The following LCT variants were observed in gnomAD, a reference collection of about 807,000 sequenced individuals.
LCT encodes lactase.
LCT carries 90 observed loss-of-function variants against 173.0 expected under a neutral mutation model. The observed-to-expected ratio is 0.52, with a 90% confidence interval of 0.44 to 0.62. LCT has a LOEUF of 0.62. Ranked by LOEUF, LCT falls within the 20% of genes least tolerant of loss-of-function variation. The probability of loss-of-function intolerance (pLI) is 0.00; values close to 1 mark genes in which losing one functional copy is unlikely to be tolerated. For missense variants in LCT, 1,864 were observed against 2,431.4 expected (o/e 0.77, Z 4.91); for synonymous variants, 853 against 957.6 (o/e 0.89, Z 2.02).
intron 16 of LCT, among the ~76,000 whole-genome samples, chr2:135,789,162 T>C (rs1160708020): frequency 6.6e-6 from 1 of 152,260 alleles, no homozygotes; most frequent in Admixed American, 6.5e-5. Flanking sequence ...CATTTACATT[T>C]GTGTAGTGAT....
At position 135,790,951 on chromosome 2, in the gene LCT, A is replaced by G; in HGVS notation, c.5112-70T>C. ...CAAGAGGCCCTTTACACGAAACACAAAACAGGACTTAGACCAGGAAAAGCC... is the reference window on the plus strand; with the variant it reads ...CAAGAGGCCCTTTACACGAAACACAGAACAGGACTTAGACCAGGAAAAGCC... On this transcript the variant is annotated intron_variant, in intron 14 of 16. Coordinates refer to ENST00000264162, the MANE Select transcript of LCT (RefSeq NM_002299.4). The surrounding 1 kb of genome is among the most constrained non-coding windows in gnomAD (Gnocchi z 4.1). 2 of 1,140,852 alleles carry G rather than the reference A, an allele frequency of 1.8e-6. No individual in the cohort carries two copies. The highest frequency in any genetic ancestry group is 2.7e-6 in the Non-Finnish European group (2 of 753,726). The allele number at this position is 1,140,852 out of a possible 1,614,324, so 70.7% of individuals were successfully genotyped here.
chr2:135,792,027 T>C (rs2077536742), intron 14 of LCT, among the ~76,000 whole-genome samples: 1 of 152,322 alleles, frequency 6.6e-6, no homozygotes, highest in Non-Finnish European at 1.5e-5. Context: ...AGAAGCAGAA[T>C]GCTACTGCAA....
chr2:135,815,460 G>T (rs770335871), intron 6 of LCT, among the ~76,000 whole-genome samples: 7 of 152,154 alleles, frequency 4.6e-5, no homozygotes, highest in Non-Finnish European at 8.8e-5. Context: ...GCAGTCACTT[G>T]CTGCTCAAGA....
intron 13 of LCT, among the ~76,000 whole-genome samples, chr2:135,797,358 G>T (rs1163621202): frequency 6.6e-6 from 1 of 152,106 alleles, no homozygotes; most frequent in Non-Finnish European, 1.5e-5. Flanking sequence ...TGGAGCGGTG[G>T]GCATGTTCCC....
intron 6 of LCT, 38 bp downstream of exon 6, chr2:135,817,303 C>A: frequency 6.2e-7 from 1 of 1,602,578 alleles, no homozygotes; most frequent in Non-Finnish European, 8.5e-7. Flanking sequence ...AATGTCCTTT[C>A]TCCTCCAATT....
chr2:135,800,715 G>A lies in LCT; in HGVS notation c.4758C>T (p.Tyr1586=), dbSNP rs186832630. ...AEAWHLYNDV[Y]RASQGGVISI... is the part of the protein sequence containing the mutation. ...AAATCACGCCACCTTGACTGGCGCG[G>A]TACACATCGTTGTACAGATGCCAGG... Residue 1586 remains tyrosine (Y), a synonymous_variant, in exon 12 of 17, where the codon TAC becomes TAT. Coordinates refer to ENST00000264162, the MANE Select transcript of LCT (RefSeq NM_002299.4). The A allele has an allele frequency of 6.2e-7, 1 of 1,614,064 alleles. No individual in the cohort carries two copies. Among genetic ancestry groups the A allele is most frequent in the East Asian group, 2.2e-5 (1 of 44,878 alleles).
chr2:135,796,700 T>C (rs911797794), intron 13 of LCT, among the ~76,000 whole-genome samples: 2 of 152,208 alleles, frequency 1.3e-5, no homozygotes, highest in Non-Finnish European at 2.9e-5. Flanking sequence ...GATGGAGAAC[T>C]GTCTTTCCAG....
rs781011643 is a variant in LCT, at chr2:135,809,403, G to A, written c.2944C>T (p.Arg982Trp). ...KAYRFSISWS[R>W]IFPTGRNSSI... ...CTGTTTCTCCCAGTTGGGAAAATCCGAGACCAGGAGATAGAGAAGCGGTAG... is the reference window on the plus strand; with the variant it reads ...CTGTTTCTCCCAGTTGGGAAAATCCAAGACCAGGAGATAGAGAAGCGGTAG... Residue 982 changes from arginine (R) to tryptophan (W), a missense_variant, in exon 8 of 17, where the codon CGG becomes TGG. By Grantham distance (101) the Arg-to-Trp change is moderately radical. This residue lies in a region of LCT where 755 missense variants were observed against 926.3 expected (regional missense o/e 0.82). Coordinates refer to ENST00000264162, the MANE Select transcript of LCT (RefSeq NM_002299.4). The surrounding 1 kb of genome is among the most constrained non-coding windows in gnomAD (Gnocchi z 5.5). 2 of 1,614,212 alleles carry A rather than the reference G, an allele frequency of 1.2e-6. No homozygotes were observed. Among genetic ancestry groups the A allele is most frequent in the Non-Finnish European group, 8.5e-7 (1 of 1,180,038 alleles).
At chr2:135,803,487 G>T (rs2077644115) in intron 11 of LCT, among the ~76,000 whole-genome samples, 1 of 152,212 alleles carries the variant, frequency 6.6e-6, no homozygotes, top group African/African-American at 2.4e-5. Flanking sequence ...AGGAATGTTT[G>T]CTCAGTGCGA....
chr2:135,824,027 G>T, intron 3 of LCT, 24 bp from the exon 4 acceptor site: 1 of 1,452,732 alleles, frequency 6.9e-7, no homozygotes, highest in Non-Finnish European at 9.7e-7. Flanking sequence ...GGACCAGCAA[G>T]TGAACTGAAG....
Position 135,817,757 on chromosome 2 carries a change from C to T in LCT, c.1291G>A (p.Asp431Asn), listed in dbSNP as rs754851412. 7.4e-6 allele frequency: 12 copies of T among 1,613,866 alleles called. No homozygotes were observed. The highest frequency in any genetic ancestry group is 1.3e-5 in the African/African-American group (1 of 74,928). The part of the protein sequence containing the change: ...EGQATLEVAS[D>N]SYHKVASDVA... Reference sequence around the variant, plus strand: ...TCAGAGGCTACCTTGTGGTAACTGTCGCTGGCCACCTCCAGCGTCGCTTGG... The same window carrying T: ...TCAGAGGCTACCTTGTGGTAACTGTTGCTGGCCACCTCCAGCGTCGCTTGG... The change falls in exon 6 of 17, where the codon GAC becomes AAC. Residue 431 changes from aspartate (D) to asparagine (N), a missense_variant. Coordinates refer to ENST00000264162, the MANE Select transcript of LCT (RefSeq NM_002299.4).
rs151321629 is a variant in LCT, at chr2:135,804,827, C to T, written c.4404G>A (p.Ala1468=). ...TGAGCCTCACGTAGTAGTTCAGGCC[C>T]GCTTCATTGATGTACCTGGTGGTTC... ...PDGTTRYINE[A]GLNYYVRLID... The change falls in exon 10 of 17, where the codon GCG becomes GCA. Residue 1468 remains alanine (A), a synonymous_variant. Transcript: ENST00000264162. The T allele has an allele frequency of 1.7e-5, 27 of 1,613,740 alleles. No homozygotes were observed. The highest frequency in any genetic ancestry group is 1.1e-4 in the African/African-American group (8 of 74,874).
intron 2 of LCT, among the ~76,000 whole-genome samples, chr2:135,831,436 C>T (rs1214763726): frequency 1.3e-5 from 2 of 152,116 alleles, no homozygotes; most frequent in African/African-American, 4.8e-5. Context: ...CTGTGGGATT[C>T]GTCCCACTCG....
intron 11 of LCT, among the ~76,000 whole-genome samples, chr2:135,802,106 CAT>C (rs1160851069): frequency 1.3e-5 from 2 of 152,158 alleles, no homozygotes; most frequent in African/African-American, 4.8e-5. Flanking sequence ...AGGCGCCTCT[CAT>C]GTGTTGAAGG....
Position 135,800,757 on chromosome 2 carries a change from T to C in LCT, c.4716A>G (p.Ile1572Met), listed in dbSNP as rs1239113721. ...TAPYIVGHNLIKAHAEAWHLY... is the reference protein window; with the variant it reads ...TAPYIVGHNLMKAHAEAWHLY... ...GATGCCAGGCCTCAGCATGAGCCTT[T>C]ATTAGATTGTGGCCAACAATGTAGG... The change falls in exon 12 of 17, where the codon ATA (isoleucine) becomes ATG (methionine). Residue 1572 changes from isoleucine (I) to methionine (M), a missense_variant. Physicochemically the swap from Ile to Met is conservative, Grantham distance 10. Transcript: ENST00000264162. 6.2e-7 allele frequency: 1 copy of C among 1,614,172 alleles called. No individual in the cohort carries two copies. Among genetic ancestry groups the C allele is most frequent in the Non-Finnish European group, 8.5e-7 (1 of 1,180,034 alleles).
intron 3 of LCT, among the ~76,000 whole-genome samples, chr2:135,824,659 G>T (rs900802719): frequency 1.3e-5 from 2 of 152,130 alleles, no homozygotes; most frequent in Non-Finnish European, 2.9e-5. Flanking sequence ...CTTCGTAGGG[G>T]TTCATCATTC....
chr2:135,823,817 G>T, intron 4 of LCT, 84 bp downstream of exon 4: 1 of 924,860 alleles, frequency 1.1e-6, no homozygotes, highest in Non-Finnish European at 1.8e-6. Context: ...TCCTCCCATT[G>T]GAACCCCGGA....
intron 3 of LCT, among the ~76,000 whole-genome samples, chr2:135,828,721 G>C (rs747087715): frequency 6.6e-6 from 1 of 152,188 alleles, no homozygotes; most frequent in Non-Finnish European, 1.5e-5. Flanking sequence ...AGTTGGATAG[G>C]AGGCTCCTAA....
chr2:135,825,954 GCAGGCT>G (rs1318599855), intron 3 of LCT, among the ~76,000 whole-genome samples: 7 of 152,204 alleles, frequency 4.6e-5, no homozygotes, highest in Non-Finnish European at 1.0e-4. Context: ...TGTTCTCAGG[GCAGGCT>G]CAGCTGTTCT....
Sources: gnomAD v4.1 joint callset for allele counts (sites outside exome capture counted in the v4.1 genomes callset) on GRCh38, gnomAD v4.1.1 for gene constraint, gnomAD v4.1.1 regional missense constraint, Gnocchi (gnomAD v3.1) non-coding constraint, MANE v1.5 for transcripts, NCBI Gene and HGNC (gene_info 2026-07-23, HGNC 2026-07-21) for gene names.